Variants in NRG1 observed in about 807,000 individuals in gnomAD.
NRG1 encodes neuregulin 1, also known as pro-neuregulin-1, membrane-bound isoform.
Under a neutral mutation model 63.8 loss-of-function variants are expected in NRG1, and 18 were observed. That is an observed-to-expected ratio of 0.28 (90% CI 0.19 to 0.42). The LOEUF (loss-of-function observed/expected upper bound fraction) is 0.42. Among genes scored for constraint, NRG1 ranks in the 10% least tolerant of loss-of-function variants. The pLI, the probability that NRG1 is intolerant of heterozygous loss-of-function variation, is 1.00. For synonymous variants in NRG1, 302 were observed against 301.3 expected, an observed-to-expected ratio of 1.00 and a Z score of -0.02; for missense variants, 762 against 814.7, an observed-to-expected ratio of 0.94 and a Z score of 0.79.
chr8:32,584,890 C>T (rs1841340342), intron 1 of NRG1, among the ~76,000 whole-genome samples: 1 of 152,064 alleles, frequency 6.6e-6, no homozygotes, highest in African/African-American at 2.4e-5. Context: ...CAATTGCTAA[C>T]TCATCTTACC....
At chr8:32,462,867 G>T (rs1227240838) in intron 1 of NRG1, among the ~76,000 whole-genome samples, 2 of 152,126 alleles carry the variant, frequency 1.3e-5, no homozygotes, top group African/African-American at 4.8e-5. Context: ...GCCTCCCAAA[G>T]TTCTGGGATT....
At chr8:31,750,634 AATT>A (rs959949543) in intron 1 of NRG1, among the ~76,000 whole-genome samples, 3 of 151,964 alleles carry the variant, frequency 2.0e-5, no homozygotes, top group African/African-American at 7.2e-5. Flanking sequence ...CTGTTTTTTT[AATT>A]ATTATTAAGC....
intron 1 of NRG1, among the ~76,000 whole-genome samples, chr8:31,858,311 A>C (rs1225898720): frequency 6.6e-6 from 1 of 152,050 alleles, no homozygotes; most frequent in East Asian, 1.9e-4. Flanking sequence ...AAAAAAAAAA[A>C]CAAGTGAAGT....
chr8:32,590,699 A>T (rs1166366472), intron 1 of NRG1, among the ~76,000 whole-genome samples: 1 of 152,220 alleles, frequency 6.6e-6, no homozygotes, highest in African/African-American at 2.4e-5. Context: ...TGAGTAAACC[A>T]TATGCCTGAG....
rs573750127 is a variant in NRG1, at chr8:32,181,930, T to TA, written c.38-413890dup. ...GATTATAAATAACCTTAACTAACAG[T>TA]AAAAAAAATTGTGCTTACAGAAAAA... On this transcript the variant is annotated intron_variant, in intron 1 of 10. Coordinates refer to the NRG1 transcript ENST00000519301. Among the ~76,000 whole-genome samples, 806 of 152,192 alleles carry TA rather than the reference T, an allele frequency of 5.3e-3. 7 individuals carry two copies. The highest frequency in any genetic ancestry group is 7.8e-3 in the Non-Finnish European group (528 of 68,002).
At chr8:32,037,892 C>A (rs1819331512) in intron 1 of NRG1, among the ~76,000 whole-genome samples, 1 of 152,196 alleles carries the variant, frequency 6.6e-6, no homozygotes, top group African/African-American at 2.4e-5. Context: ...ACAGGGATTC[C>A]AAAGTGGGTT....
intron 1 of NRG1, among the ~76,000 whole-genome samples, chr8:32,532,283 A>C (rs577449095): frequency 1.9e-4 from 29 of 152,346 alleles, no homozygotes; most frequent in African/African-American, 7.0e-4. Context: ...CTTATAAATC[A>C]GAAGATTCCC....
rs567732458 is a variant in NRG1, at chr8:31,716,142, A to G, written c.37+76711A>G. On this transcript the variant is annotated intron_variant, in intron 1 of 10. Coordinates refer to the NRG1 transcript ENST00000519301. ...GTAATGATAGTCAGAGGGAGAAGCT[A>G]TATTAAGTGTGTATTTCAGGAGAGA... 5.5e-4 allele frequency among the ~76,000 whole-genome samples: 84 copies of G among 152,198 alleles called. 1 individual carries two copies. Among genetic ancestry groups the G allele is most frequent in the Non-Finnish European group, 1.1e-3 (76 of 68,026 alleles).
At chr8:32,026,564 T>C (rs2130356029) in intron 1 of NRG1, among the ~76,000 whole-genome samples, 1 of 152,342 alleles carries the variant, frequency 6.6e-6, no homozygotes, top group African/African-American at 2.4e-5. Flanking sequence ...CAGTCAACTT[T>C]ACTGAAAACA....
chr8:31,774,936 C>A (rs950990580), intron 1 of NRG1, among the ~76,000 whole-genome samples: 2 of 151,972 alleles, frequency 1.3e-5, no homozygotes, highest in African/African-American at 4.8e-5. Flanking sequence ...CACAAAAAAA[C>A]CCAACAGATG....
intron 1 of NRG1, among the ~76,000 whole-genome samples, chr8:31,735,091 G>A (rs1431076833): frequency 6.6e-6 from 1 of 152,070 alleles, no homozygotes; most frequent in African/African-American, 2.4e-5. Context: ...TAATTCTACT[G>A]GGGGAATTTC....
At chr8:32,167,802 GAA>G (rs1839558388) in intron 1 of NRG1, among the ~76,000 whole-genome samples, 1 of 152,216 alleles carries the variant, frequency 6.6e-6, no homozygotes, top group Non-Finnish European at 1.5e-5. Flanking sequence ...CAGCGAAACA[GAA>G]TGTGTCTTCA....
intron 1 of NRG1, among the ~76,000 whole-genome samples, chr8:32,527,442 T>A (rs1309126350): frequency 2.0e-5 from 3 of 152,066 alleles, no homozygotes; most frequent in African/African-American, 7.2e-5. Flanking sequence ...GTTCTCTACT[T>A]ATAAGTGGGA....
chr8:32,696,614 C>A (rs1307663196), intron 5 of NRG1, among the ~76,000 whole-genome samples: 1 of 151,368 alleles, frequency 6.6e-6, no homozygotes, highest in South Asian at 2.1e-4. Context: ...AGTAAAGCCT[C>A]GTGATTCTTT....
At chr8:32,480,833 C>T (rs1419322605) in intron 1 of NRG1, among the ~76,000 whole-genome samples, 3 of 152,150 alleles carry the variant, frequency 2.0e-5, no homozygotes, top group African/African-American at 7.2e-5. Flanking sequence ...AGAGCAAGAA[C>T]TCACTCATTA....
intron 1 of NRG1, among the ~76,000 whole-genome samples, chr8:32,496,515 A>T (rs923082680): frequency 2.2e-4 from 34 of 152,164 alleles, no homozygotes; most frequent in Non-Finnish European, 2.5e-4. Flanking sequence ...GCTTAAGCCC[A>T]GGATGTCAAG....
chr8:32,598,143 CA>C (rs1351709276), intron 2 of NRG1, among the ~76,000 whole-genome samples: 2 of 151,994 alleles, frequency 1.3e-5, no homozygotes, highest in African/African-American at 4.8e-5. Flanking sequence ...TCTCTGTGCC[CA>C]GGGGCGGGGG....
intron 1 of NRG1, among the ~76,000 whole-genome samples, chr8:31,982,149 T>C (rs1809229287): frequency 6.6e-6 from 1 of 151,970 alleles, no homozygotes; most frequent in Admixed American, 6.6e-5. Context: ...TAGGCTCTGA[T>C]TAAGATTCTT....
intron 1 of NRG1, among the ~76,000 whole-genome samples, chr8:32,439,915 C>T (rs1438004282): frequency 6.6e-6 from 1 of 151,788 alleles, no homozygotes; most frequent in Non-Finnish European, 1.5e-5. Flanking sequence ...TAGCTGAGAC[C>T]ACAGGTGCAC....
Sources: allele counts gnomAD v4.1 joint callset (sites outside exome capture counted in the v4.1 genomes callset), GRCh38; gene constraint gnomAD v4.1.1; transcripts MANE v1.5; gene names NCBI Gene and HGNC (gene_info 2026-07-23, HGNC 2026-07-21).